Variants in PCSK2 observed in about 807,000 individuals in gnomAD.
The protein encoded by PCSK2 is proprotein convertase subtilisin/kexin type 2.
Under a neutral mutation model 69.7 loss-of-function variants are expected in PCSK2, and 14 were observed. That is an observed-to-expected ratio of 0.20 (90% CI 0.13 to 0.31). The LOEUF is 0.31. PCSK2 is among the 10% of genes least tolerant of loss of function. PCSK2 has a pLI of 1.00. For synonymous variants in PCSK2, 307 were observed against 320.7 expected (o/e 0.96, Z 0.46); for missense variants, 544 against 842.5 (o/e 0.65, Z 4.39).
chr20:17,428,941 G>A (rs1486790856), intron 6 of PCSK2, among the ~76,000 whole-genome samples: 1 of 122,830 alleles, frequency 8.1e-6, no homozygotes, highest in Non-Finnish European at 1.6e-5. Context: ...CGAAGCTGCA[G>A]TAAGCCAAGA....
intron 2 of PCSK2, among the ~76,000 whole-genome samples, chr20:17,354,959 G>C (rs2030143327): frequency 6.6e-6 from 1 of 152,246 alleles, no homozygotes; most frequent in Admixed American, 6.5e-5. Context: ...ATTGTTAAAG[G>C]TGTTCGTCTC....
intron 10 of PCSK2, among the ~76,000 whole-genome samples, chr20:17,462,203 G>T (rs1682692845): frequency 1.3e-5 from 2 of 151,992 alleles, no homozygotes; most frequent in South Asian, 4.2e-4. Flanking sequence ...CCTGAACGAG[G>T]TTTGCTGCAT....
chr20:17,421,842 G>GA (rs2032137323), intron 6 of PCSK2, among the ~76,000 whole-genome samples: 1 of 89,928 alleles, frequency 1.1e-5, no homozygotes, highest in East Asian at 3.9e-4. Context: ...AAAAAAAGAC[G>GA]AAAAAATATC....
chr20:17,430,194 C>A (rs142578949), intron 7 of PCSK2, among the ~76,000 whole-genome samples: 22 of 152,030 alleles, frequency 1.4e-4, no homozygotes, highest in Non-Finnish European at 2.9e-4. Flanking sequence ...AATTTAGAAC[C>A]CAATATCCCT....
intron 2 of PCSK2, among the ~76,000 whole-genome samples, chr20:17,351,526 G>C (rs991228666): frequency 2.0e-5 from 3 of 152,114 alleles, no homozygotes; most frequent in Admixed American, 1.3e-4. Context: ...TTATTCCTAG[G>C]ATGCAGTTAG....
chr20:17,344,889 T>C (rs1055135030), intron 2 of PCSK2, among the ~76,000 whole-genome samples: 1 of 152,070 alleles, frequency 6.6e-6, no homozygotes, highest in Non-Finnish European at 1.5e-5. Flanking sequence ...CATTTCTCCC[T>C]GACTTGCAGG....
At chr20:17,415,663 C>T (rs961384097) in intron 6 of PCSK2, among the ~76,000 whole-genome samples, 9 of 152,126 alleles carry the variant, frequency 5.9e-5, no homozygotes, top group Non-Finnish European at 1.2e-4. Context: ...ACTTTCTTCA[C>T]AGAATTGGAA....
intron 7 of PCSK2, among the ~76,000 whole-genome samples, chr20:17,429,817 A>G (rs545087882): frequency 6.6e-6 from 1 of 152,250 alleles, no homozygotes; most frequent in South Asian, 2.1e-4. Flanking sequence ...CAGCACCCCA[A>G]ACATGTCCCC....
intron 5 of PCSK2, among the ~76,000 whole-genome samples, chr20:17,388,554 C>T (rs777353357): frequency 3.9e-5 from 6 of 152,118 alleles, no homozygotes; most frequent in Admixed American, 2.0e-4. Flanking sequence ...ATCTGCAAAA[C>T]ATATATCTCT....
chr20:17,344,900 A>T (rs1990607603), intron 2 of PCSK2, among the ~76,000 whole-genome samples: 1 of 151,866 alleles, frequency 6.6e-6, no homozygotes, highest in African/African-American at 2.4e-5. Context: ...GACTTGCAGG[A>T]AACTGCCCAA....
chr20:17,304,569 G>A (rs904793179), intron 2 of PCSK2, among the ~76,000 whole-genome samples: 6 of 152,056 alleles, frequency 3.9e-5, no homozygotes, highest in Non-Finnish European at 7.4e-5. Context: ...ACTTTTTCTT[G>A]TTTACCTATT....
chr20:17,354,887 G>C (rs1264553336), intron 2 of PCSK2, among the ~76,000 whole-genome samples: 1 of 151,244 alleles, frequency 6.6e-6, no homozygotes, highest in Non-Finnish European at 1.5e-5. Flanking sequence ...GGGTTACATG[G>C]TATCATTGTG....
chr20:17,376,344 A>T (rs901846312), intron 5 of PCSK2, among the ~76,000 whole-genome samples: 5 of 152,192 alleles, frequency 3.3e-5, no homozygotes, highest in African/African-American at 4.8e-5. Context: ...AAGCTATCTA[A>T]ACACCTGCTG....
At chr20:17,312,932 A>G (rs1989562580) in intron 2 of PCSK2, among the ~76,000 whole-genome samples, 1 of 152,158 alleles carries the variant, frequency 6.6e-6, no homozygotes, top group South Asian at 2.1e-4. Flanking sequence ...CATTACTTCC[A>G]AAGAGGAGAA....
intron 1 of PCSK2, among the ~76,000 whole-genome samples, chr20:17,240,537 T>C (rs929615313): frequency 3.3e-5 from 5 of 152,160 alleles, no homozygotes; most frequent in African/African-American, 1.2e-4. Context: ...GTATGTACTC[T>C]GTACAGGTGA....
chr20:17,277,139 C>A lies in PCSK2; in HGVS notation c.282+16795C>A, dbSNP rs1487364178. On this transcript the variant is annotated intron_variant, in intron 2 of 11. Transcript: ENST00000262545. ...AATCAATATTGTGAAAATGGCCATA[C>A]TGCCCAAGGTAATTTATAGATTCAA... Among the ~76,000 whole-genome samples the A allele has an allele frequency of 2.0e-5, 3 of 152,140 alleles. No individual in the cohort carries two copies. The East Asian group carries it at 5.8e-4, about 29-fold the overall frequency.
At chr20:17,275,122 C>A (rs1236718617) in intron 2 of PCSK2, among the ~76,000 whole-genome samples, 1 of 142,780 alleles carries the variant, frequency 7.0e-6, no homozygotes, top group Admixed American at 7.1e-5. Flanking sequence ...TAATGTTGGG[C>A]GACTAATGAA....
intron 2 of PCSK2, among the ~76,000 whole-genome samples, chr20:17,356,136 C>T (rs1395200744): frequency 2.6e-5 from 4 of 152,030 alleles, no homozygotes; most frequent in African/African-American, 9.7e-5. Context: ...TACACACATA[C>T]ATGTGCATAA....
chr20:17,445,929 C>G (rs1270205628), intron 8 of PCSK2, among the ~76,000 whole-genome samples: 1 of 152,184 alleles, frequency 6.6e-6, no homozygotes, highest in African/African-American at 2.4e-5. Context: ...ATCCTTGTGA[C>G]CAGCCGTCTC....
Sources: gnomAD v4.1 joint callset for allele counts (sites outside exome capture counted in the v4.1 genomes callset) on GRCh38, gnomAD v4.1.1 for gene constraint, MANE v1.5 for transcripts, NCBI Gene and HGNC (gene_info 2026-07-23, HGNC 2026-07-21) for gene names.